Variants in USP47 observed in about 807,000 individuals in gnomAD.
The protein encoded by USP47 is ubiquitin carboxyl-terminal hydrolase 47.
Under a neutral mutation model 165.1 loss-of-function variants are expected in USP47, and 35 were observed. That is an observed-to-expected ratio of 0.21 (90% CI 0.16 to 0.28). The LOEUF (loss-of-function observed/expected upper bound fraction) is 0.28, where lower values mean the gene tolerates loss of function less well. Ranked by LOEUF, USP47 falls within the 10% of genes least tolerant of loss-of-function variation. The pLI, the probability that USP47 is intolerant of heterozygous loss-of-function variation, is 1.00. For synonymous variants in USP47, 531 were observed against 544.5 expected, an observed-to-expected ratio of 0.98 and a Z score of 0.35; for missense variants, 1,277 against 1,607.4, an observed-to-expected ratio of 0.79 and a Z score of 3.52.
At chr11:11,892,180 C>A in intron 4 of USP47, 74 bp downstream of exon 4, 3 of 1,476,238 alleles carry the variant, frequency 2.0e-6, no homozygotes, top group Non-Finnish European at 2.7e-6. Flanking sequence ...GAAGCCTAAT[C>A]CTCTTATTTT....
intron 1 of USP47, among the ~76,000 whole-genome samples, chr11:11,879,835 G>C (rs1850715276): frequency 6.6e-6 from 1 of 151,942 alleles, no homozygotes; most frequent in South Asian, 2.1e-4. Flanking sequence ...TTAAGGATCA[G>C]ATTTTATAAT....
chr11:11,893,208 C>A (rs1851651774), intron 4 of USP47, among the ~76,000 whole-genome samples: 1 of 152,018 alleles, frequency 6.6e-6, no homozygotes, highest in African/African-American at 2.4e-5. Flanking sequence ...CATATTATTT[C>A]ATCTTAAAAC....
At chr11:11,848,480 T>G (rs1848546675) in intron 1 of USP47, among the ~76,000 whole-genome samples, 1 of 152,234 alleles carries the variant, frequency 6.6e-6, no homozygotes, top group Non-Finnish European at 1.5e-5. Context: ...CAAAATGTCT[T>G]TATATGGCAC....
At chr11:11,855,781 G>A (rs1849003238) in intron 1 of USP47, among the ~76,000 whole-genome samples, 1 of 151,910 alleles carries the variant, frequency 6.6e-6, no homozygotes, top group Admixed American at 6.6e-5. Context: ...CATGGCTCCT[G>A]ATTTTATAGA....
At chr11:11,881,705 A>G (rs1005331292) in intron 2 of USP47, among the ~76,000 whole-genome samples, 3 of 152,094 alleles carry the variant, frequency 2.0e-5, no homozygotes, top group Admixed American at 1.3e-4. Flanking sequence ...CTAATCTTGT[A>G]TTAATGTTTA....
Position 11,842,333 on chromosome 11 carries a change from G to T in USP47, c.39+109G>T, listed in dbSNP as rs1048811986. On this transcript the variant is annotated intron_variant, in intron 1 of 27. Transcript: ENST00000527733. ...CCGGCCGGGGTGCAGGCTCGGCTGT[G>T]GGGGAATGAGGAGGCGTGAGGCAGT... The T allele has an allele frequency of 6.3e-6, 8 of 1,278,600 alleles. No individual in the cohort carries two copies. The Admixed American group carries it at 1.5e-4, about 24-fold the overall frequency. 79.2% of individuals were successfully genotyped at this position (1,278,600 alleles called of 1,614,324 possible).
chr11:11,934,504 C>G (rs557009191), intron 16 of USP47, among the ~76,000 whole-genome samples: 23 of 152,224 alleles, frequency 1.5e-4, no homozygotes, highest in Admixed American at 6.6e-4. Context: ...GGTCCATAGT[C>G]AGATGCGTTA....
chr11:11,874,586 T>G (rs1476043383), intron 1 of USP47, among the ~76,000 whole-genome samples: 3 of 149,768 alleles, frequency 2.0e-5, no homozygotes, highest in Non-Finnish European at 4.4e-5. Context: ...TGAGACGGAG[T>G]TTTGCTCTTA....
chr11:11,915,559 A>G (rs1853352742), intron 8 of USP47, among the ~76,000 whole-genome samples: 1 of 152,218 alleles, frequency 6.6e-6, no homozygotes, highest in South Asian at 2.1e-4. Context: ...TATCATGGTT[A>G]TGATATGCCA....
At chr11:11,865,285 A>G (rs759300978) in intron 1 of USP47, among the ~76,000 whole-genome samples, 2 of 152,276 alleles carry the variant, frequency 1.3e-5, no homozygotes, top group South Asian at 2.1e-4. Context: ...TCTGAATGAC[A>G]TGAATGTTGG....
At chr11:11,916,347 A>T (rs1007903012) in intron 8 of USP47, among the ~76,000 whole-genome samples, 1 of 152,214 alleles carries the variant, frequency 6.6e-6, no homozygotes, top group African/African-American at 2.4e-5. Context: ...AGTAAGATCT[A>T]GAATATGAAA....
intron 8 of USP47, among the ~76,000 whole-genome samples, chr11:11,912,548 TGAAAG>T (rs946364400): frequency 3.7e-4 from 57 of 152,216 alleles, no homozygotes; most frequent in African/African-American, 1.0e-3. Flanking sequence ...TAAAACCTCT[TGAAAG>T]GAAATCTCCA....
rs543997126 is a variant in USP47, at chr11:11,902,829, T to C, written c.708T>C (p.Val236=). The part of the protein sequence containing the change: ...SKKRAIETTD[V]TRSFGWDSSE... ...AGAGAGCAATTGAAACCACAGATGT[T>C]ACAAGGAGCTTTGGATGGGATAGTA... Residue 236 remains valine (V), a synonymous_variant, in exon 6 of 28, where the codon GTT becomes GTC. Coordinates refer to ENST00000527733, the MANE Select transcript of USP47 (RefSeq NM_001282659.2). 1.2e-6 allele frequency: 2 copies of C among 1,600,146 alleles called. No homozygotes were observed. The highest frequency in any genetic ancestry group is 4.5e-5 in the East Asian group (2 of 44,334).
chr11:11,882,462 G>A (rs1850895642), intron 2 of USP47, among the ~76,000 whole-genome samples: 1 of 152,000 alleles, frequency 6.6e-6, no homozygotes, highest in Non-Finnish European at 1.5e-5. Context: ...TAGAACTAAT[G>A]TTTTAAACTG....
intron 3 of USP47, 139 bp from the exon 4 acceptor site, chr11:11,891,829 C>A: frequency 9.4e-7 from 1 of 1,063,874 alleles, no homozygotes; most frequent in African/African-American, 1.6e-5. Context: ...TAGAAAGTAA[C>A]ACTTTGGAAG....
At chr11:11,892,377 TTTC>T (rs2134382552) in intron 4 of USP47, among the ~76,000 whole-genome samples, 1 of 134,968 alleles carries the variant, frequency 7.4e-6, no homozygotes, top group Non-Finnish European at 1.5e-5. Flanking sequence ...TCTTTTTAAT[TTTC>T]TTTTTTTTTT....
chr11:11,864,175 T>A (rs534889637), intron 1 of USP47, among the ~76,000 whole-genome samples: 25 of 152,134 alleles, frequency 1.6e-4, no homozygotes, highest in South Asian at 6.2e-4. Flanking sequence ...GTTAAAAAAA[T>A]TTTTTTGTAT....
intron 3 of USP47, among the ~76,000 whole-genome samples, chr11:11,888,529 A>C (rs190672635): frequency 1.8e-4 from 27 of 152,306 alleles, no homozygotes; most frequent in Non-Finnish European, 1.2e-4. Context: ...AAATAGACCA[A>C]TTAAAAATTC....
chr11:11,948,331 T>C, intron 21 of USP47, 147 bp from the exon 22 acceptor site: 1 of 828,268 alleles, frequency 1.2e-6, no homozygotes, highest in Non-Finnish European at 1.9e-6. Context: ...GTTACTATTC[T>C]AGGTGCTGGG....
Sources: allele counts gnomAD v4.1 joint callset (sites outside exome capture counted in the v4.1 genomes callset), GRCh38; gene constraint gnomAD v4.1.1; transcripts MANE v1.5; gene names NCBI Gene and HGNC (gene_info 2026-07-23, HGNC 2026-07-21).